HIP1: variants seen among roughly 807,000 people sequenced by gnomAD.
The protein encoded by HIP1 is huntingtin interacting protein 1, also known as huntingtin-interacting protein 1.
Under a neutral mutation model 147.6 loss-of-function variants are expected in HIP1, and 65 were observed. The observed-to-expected ratio is 0.44, with a 90% CI of 0.36 to 0.54. The LOEUF is 0.54. HIP1 is among the 20% of genes least tolerant of loss of function. HIP1 has a pLI of 0.00. For synonymous variants in HIP1, 479 were observed against 504.0 expected (o/e 0.95, Z 0.67); for missense variants, 1,061 against 1,299.6 (o/e 0.82, Z 2.82).
intron 5 of HIP1, among the ~76,000 whole-genome samples, chr7:75,585,804 T>A (rs1473803676): frequency 1.3e-5 from 2 of 151,962 alleles, no homozygotes; most frequent in African/African-American, 2.4e-5. Flanking sequence ...CACTATCCAT[T>A]GTGTCACCTT....
intron 1 of HIP1, among the ~76,000 whole-genome samples, chr7:75,702,698 C>T (rs782133160): frequency 7.2e-5 from 11 of 152,054 alleles, no homozygotes; most frequent in Non-Finnish European, 1.2e-4. Context: ...ATATGGATCC[C>T]ATGGTTACAG....
rs1216406826 is a variant in HIP1, at chr7:75,713,749, T to C, written c.120+25052A>G. Among the ~76,000 whole-genome samples the C allele has an allele frequency of 3.3e-5, 5 of 150,236 alleles. No homozygotes were observed. The Admixed American group carries it at 3.4e-4, about 10-fold the overall frequency. ...TCTCGCTCTGTTGCCCAGGCTGGAGTGCAGTGGCATGATCTTGGCTCACTG... is the reference window on the plus strand; with the variant it reads ...TCTCGCTCTGTTGCCCAGGCTGGAGCGCAGTGGCATGATCTTGGCTCACTG... On this transcript the variant is annotated intron_variant, in intron 1 of 30. Coordinates refer to ENST00000336926, the MANE Select transcript of HIP1 (RefSeq NM_005338.7).
intron 1 of HIP1, among the ~76,000 whole-genome samples, chr7:75,704,865 A>C (rs553759607): frequency 6.6e-6 from 1 of 152,280 alleles, no homozygotes; most frequent in East Asian, 1.9e-4. Context: ...GAGCCACTGC[A>C]CCTGGCCAAC....
intron 1 of HIP1, among the ~76,000 whole-genome samples, chr7:75,714,329 G>A (rs782298946): frequency 3.3e-5 from 5 of 152,064 alleles, no homozygotes; most frequent in African/African-American, 7.2e-5. Flanking sequence ...GTGAGCCGCC[G>A]CGCCTGGCCT....
chr7:75,735,179 C>G (rs1563320710), intron 1 of HIP1, among the ~76,000 whole-genome samples: 1 of 152,198 alleles, frequency 6.6e-6, no homozygotes, highest in Non-Finnish European at 1.5e-5. Context: ...GGTTAGACAA[C>G]TTCCCAGAGA....
intron 4 of HIP1, among the ~76,000 whole-genome samples, chr7:75,589,482 C>T (rs1467838916): frequency 1.3e-5 from 2 of 151,606 alleles, no homozygotes; most frequent in East Asian, 2.0e-4. Context: ...GTCAGGAGTT[C>T]GAGACCAGCC....
intron 1 of HIP1, among the ~76,000 whole-genome samples, chr7:75,612,207 A>G (rs1563244555): frequency 6.6e-6 from 1 of 152,188 alleles, no homozygotes; most frequent in Admixed American, 6.5e-5. Context: ...GGAAAGGAGA[A>G]GGGCAAAACA....
chr7:75,732,089 A>C (rs1012505679), intron 1 of HIP1, among the ~76,000 whole-genome samples: 1 of 152,050 alleles, frequency 6.6e-6, no homozygotes, highest in Non-Finnish European at 1.5e-5. Flanking sequence ...GTAAACATGA[A>C]AAAAAGGACT....
rs145157672 is a variant in HIP1 at position 75,555,459 on chromosome 7, G to A, written c.1920C>T (p.Asn640=). ...AAEQVIQDAL[N]QLEEPPLISC... ...TGATGAGAGGAGGTTCTTCAAGCTG[G>A]TTCAGGGCGTCTTGTATCACCTGCT... The change falls in exon 19 of 31, where the codon AAC becomes AAT. Residue 640 remains asparagine, a synonymous_variant. Coordinates refer to ENST00000336926, the MANE Select transcript of HIP1 (RefSeq NM_005338.7). 33 of 1,614,018 alleles carry A rather than the reference G, an allele frequency of 2.0e-5. No homozygotes were observed. The highest frequency in any genetic ancestry group is 2.6e-5 in the Non-Finnish European group (31 of 1,180,044).
rs2116817709 is a variant in HIP1 at position 75,556,773 on chromosome 7, C to T, written c.1620G>A (p.Gln540=). Residue 540 remains glutamine (Q), a synonymous_variant, in exon 17 of 31, where the codon CAG becomes CAA. Transcript: ENST00000336926. ...GCTCCCGTTGGCTTGTGGCAAGTTCCTGCTTCAAGCTCTCTAGAACTTCCA... is the reference window on the plus strand; with the variant it reads ...GCTCCCGTTGGCTTGTGGCAAGTTCTTGCTTCAAGCTCTCTAGAACTTCCA... ...EQLEVLESLK[Q]ELATSQRELQ... 1 of 1,613,586 alleles carries T rather than the reference C, an allele frequency of 6.2e-7. No homozygotes were observed. Among genetic ancestry groups the T allele is most frequent in the Non-Finnish European group, 8.5e-7 (1 of 1,179,616 alleles).
At position 75,599,191 on chromosome 7, in the gene HIP1, G is replaced by A. The variant is rs782497621; in HGVS notation, c.177C>T (p.His59=). 17 of 1,611,244 alleles carry A rather than the reference G, an allele frequency of 1.1e-5. No individual in the cohort carries two copies. The highest frequency in any genetic ancestry group is 1.0e-4 in the Admixed American group (6 of 59,994). ...NTQEVAVKEK[H]ARTCILGTHH... is the part of the protein sequence containing the mutation. Reference sequence around the variant, plus strand: ...CAACATCCAAAAGGATATTTCTGGCGTGTTTTTCCTTTACAGCCACTTCCT... The same window carrying A: ...CAACATCCAAAAGGATATTTCTGGCATGTTTTTCCTTTACAGCCACTTCCT... The change falls in exon 2 of 31, where the codon CAC becomes CAT. Residue 59 remains histidine (H), a synonymous_variant. Coordinates refer to ENST00000336926, the MANE Select transcript of HIP1 (RefSeq NM_005338.7).
At chr7:75,701,157 G>T (rs1466886764) in intron 1 of HIP1, among the ~76,000 whole-genome samples, 3 of 152,128 alleles carry the variant, frequency 2.0e-5, no homozygotes, top group African/African-American at 7.2e-5. Flanking sequence ...ACTTTGGAAG[G>T]CTGAGTTGGG....
chr7:75,689,805 G>A (rs933903312), intron 1 of HIP1, among the ~76,000 whole-genome samples: 12 of 152,064 alleles, frequency 7.9e-5, no homozygotes, highest in Non-Finnish European at 1.6e-4. Context: ...GCTGTGGGAC[G>A]AGGGATGTCA....
chr7:75,541,675 G>A (rs1376266886), intron 29 of HIP1, among the ~76,000 whole-genome samples: 2 of 150,472 alleles, frequency 1.3e-5, no homozygotes, highest in South Asian at 2.1e-4. Context: ...CAGTCTGGGC[G>A]ACAGGACGAG....
chr7:75,575,462 A>T (rs2116898660), intron 7 of HIP1, among the ~76,000 whole-genome samples: 1 of 152,344 alleles, frequency 6.6e-6, no homozygotes, highest in South Asian at 2.1e-4. Flanking sequence ...TCCATCTCAA[A>T]AGAAACCAAA....
At chr7:75,676,793 A>T (rs1247113640) in intron 1 of HIP1, among the ~76,000 whole-genome samples, 1 of 137,890 alleles carries the variant, frequency 7.3e-6, no homozygotes, top group East Asian at 2.1e-4. Flanking sequence ...AAAAAAAAAA[A>T]GCCCCCCATG....
chr7:75,685,802 G>T (rs1800242219), intron 1 of HIP1, among the ~76,000 whole-genome samples: 1 of 152,186 alleles, frequency 6.6e-6, no homozygotes, highest in South Asian at 2.1e-4. Context: ...GCCCACCTCG[G>T]CCTCCCAAAG....
At position 75,539,362 on chromosome 7, in the gene HIP1, G is replaced by C; in HGVS notation, c.3022C>G (p.His1008Asp). 6.2e-7 allele frequency: 1 copy of C among 1,614,124 alleles called. No homozygotes were observed. Among genetic ancestry groups the C allele is most frequent in the Non-Finnish European group, 8.5e-7 (1 of 1,179,996 alleles). The stretch of plus-strand genomic sequence containing the variant: ...TCAGCAACACCAGCAAGCTCGTAGT[G>C]CTTTTTCCGAAGCTCTCCCAGTTTT... ...RQKLGELRKK[H>D]YELAGVAEGW... is the part of the protein sequence containing the mutation. The change falls in exon 30 of 31, where the codon CAC becomes GAC. Residue 1008 changes from histidine to aspartate, a missense_variant. Transcript: ENST00000336926.
At position 75,677,728 on chromosome 7, in the gene HIP1, C is replaced by T. The variant is rs1041364914; in HGVS notation, c.120+61073G>A. ...TCTCCAGCTTCATCTTTATCCCTCT[C>T]GGCCCCACTCAGTGCTCCAGCAGCT... is the stretch of plus-strand genomic sequence containing the variant. On this transcript the variant is annotated intron_variant, in intron 1 of 30. Transcript: ENST00000336926. Among the ~76,000 whole-genome samples the T allele has an allele frequency of 3.3e-5, 5 of 151,888 alleles. No individual in the cohort carries two copies. The South Asian group carries it at 6.2e-4, about 19-fold the overall frequency.
Sources: allele counts gnomAD v4.1 joint callset (sites outside exome capture counted in the v4.1 genomes callset), GRCh38; gene constraint gnomAD v4.1.1; transcripts MANE v1.5; gene names NCBI Gene and HGNC (gene_info 2026-07-23, HGNC 2026-07-21).